SYN3: variants seen among roughly 807,000 people sequenced by gnomAD.
SYN3 encodes synapsin III.
A neutral mutation model predicts 65.8 loss-of-function variants in SYN3; 35 were observed. The observed-to-expected ratio is 0.53, with a 90% CI of 0.41 to 0.70. The LOEUF (loss-of-function observed/expected upper bound fraction) is 0.70, where lower values mean the gene tolerates loss of function less well. Ranked by LOEUF, SYN3 falls within the 30% of genes least tolerant of loss-of-function variation. The probability of loss-of-function intolerance (pLI) is 0.00; values close to 1 mark genes in which losing one functional copy is unlikely to be tolerated. For synonymous variants in SYN3, 270 were observed against 292.9 expected, an observed-to-expected ratio of 0.92 and a Z score of 0.80; for missense variants, 680 against 749.0, an observed-to-expected ratio of 0.91 and a Z score of 1.08.
intron 6 of SYN3, among the ~76,000 whole-genome samples, chr22:32,619,992 C>T (rs952447238): frequency 3.3e-5 from 5 of 152,208 alleles, no homozygotes; most frequent in Non-Finnish European, 5.9e-5. Context: ...TCAGAGCTAC[C>T]GACATGACCA....
chr22:32,780,884 A>G (rs562741669), intron 6 of SYN3, among the ~76,000 whole-genome samples: 1 of 96,916 alleles, frequency 1.0e-5, no homozygotes, highest in African/African-American at 3.2e-5. Context: ...ACTTGGTATT[A>G]TTGCCTGCCT....
rs991757702 is a variant in SYN3, at chr22:32,710,975, C to A, written c.712-114239G>T. 2.6e-5 allele frequency among the ~76,000 whole-genome samples: 4 copies of A among 152,202 alleles called. No individual in the cohort carries two copies. In the East Asian group the frequency reaches 5.8e-4, roughly 22 times the overall value. ...AGATGAACATCGCCCTTTCTCTATA[C>A]CCTGCCTAACAGTGACATGCCGGAG... On this transcript the variant is annotated intron_variant, in intron 6 of 13. Coordinates refer to ENST00000358763, the MANE Select transcript of SYN3 (RefSeq NM_003490.4).
At chr22:33,024,917 G>A (rs1054209583) in intron 1 of SYN3, among the ~76,000 whole-genome samples, 11 of 152,216 alleles carry the variant, frequency 7.2e-5, no homozygotes, top group African/African-American at 2.4e-4. Flanking sequence ...AATGTCGAGT[G>A]ATTTATCAAA....
intron 4 of SYN3, among the ~76,000 whole-genome samples, chr22:32,927,432 T>C (rs919827565): frequency 6.6e-6 from 1 of 151,808 alleles, no homozygotes; most frequent in South Asian, 2.1e-4. Flanking sequence ...GTATTTTTCA[T>C]AGAGATGGAG....
At chr22:32,759,900 C>A (rs1229189027) in intron 6 of SYN3, among the ~76,000 whole-genome samples, 1 of 83,352 alleles carries the variant, frequency 1.2e-5, no homozygotes, top group Non-Finnish European at 2.5e-5. Context: ...GCAGCCAGTA[C>A]CCACCCACCA....
intron 9 of SYN3, among the ~76,000 whole-genome samples, chr22:32,535,447 C>T (rs1009102841): frequency 1.3e-5 from 2 of 152,148 alleles, no homozygotes; most frequent in Non-Finnish European, 2.9e-5. Flanking sequence ...TCATGTGATT[C>T]TGATACGTGG....
intron 6 of SYN3, among the ~76,000 whole-genome samples, chr22:32,657,578 G>C (rs1458705712): frequency 6.6e-6 from 1 of 152,210 alleles, no homozygotes; most frequent in East Asian, 1.9e-4. Context: ...GGGGCTACTC[G>C]CATTCAGGCT....
At chr22:32,744,335 A>G (rs1056733515) in intron 6 of SYN3, among the ~76,000 whole-genome samples, 3 of 152,292 alleles carry the variant, frequency 2.0e-5, no homozygotes, top group South Asian at 2.1e-4. Flanking sequence ...GCCCAGTCCA[A>G]GCTAAATTGT....
At chr22:32,932,376 C>T (rs1026858114) in intron 3 of SYN3, among the ~76,000 whole-genome samples, 3 of 152,046 alleles carry the variant, frequency 2.0e-5, no homozygotes, top group African/African-American at 7.2e-5. Context: ...AAGCATCTGA[C>T]TCGGGGTGGA....
chr22:32,711,102 G>A (rs2060959173), intron 6 of SYN3, among the ~76,000 whole-genome samples: 1 of 152,194 alleles, frequency 6.6e-6, no homozygotes, highest in South Asian at 2.1e-4. Flanking sequence ...ACTGAGGTGG[G>A]TCTTTGGACA....
At chr22:32,697,560 C>A (rs1251857875) in intron 6 of SYN3, among the ~76,000 whole-genome samples, 1 of 152,142 alleles carries the variant, frequency 6.6e-6, no homozygotes, top group Non-Finnish European at 1.5e-5. Flanking sequence ...ATGGTTGTAT[C>A]AGTAATGATA....
chr22:32,588,995 A>G (rs1396783429), intron 7 of SYN3, among the ~76,000 whole-genome samples: 1 of 152,106 alleles, frequency 6.6e-6, no homozygotes, highest in Non-Finnish European at 1.5e-5. Flanking sequence ...TTTTCTAGAA[A>G]TTTCTGAATA....
intron 4 of SYN3, among the ~76,000 whole-genome samples, chr22:32,918,816 G>T (rs536224359): frequency 1.4e-4 from 21 of 152,286 alleles, no homozygotes; most frequent in Non-Finnish European, 2.5e-4. Flanking sequence ...ATGAAGTGAG[G>T]ACTCTGTCCC....
intron 6 of SYN3, among the ~76,000 whole-genome samples, chr22:32,692,067 G>T (rs1314186606): frequency 1.0e-4 from 15 of 148,566 alleles, no homozygotes; most frequent in African/African-American, 3.7e-4. Context: ...GCAGGAAAAA[G>T]TGATGTTACT....
chr22:32,558,483 ACC>A (rs2058535882), intron 7 of SYN3, among the ~76,000 whole-genome samples: 1 of 152,136 alleles, frequency 6.6e-6, no homozygotes, highest in East Asian at 1.9e-4. Context: ...AGAATTCAGA[ACC>A]CCATGATCTG....
chr22:32,962,590 G>A (rs2051690215), intron 3 of SYN3, among the ~76,000 whole-genome samples: 2 of 152,174 alleles, frequency 1.3e-5, no homozygotes, highest in Admixed American at 1.3e-4. Flanking sequence ...GGAGTGAGGA[G>A]GACACAGTGT....
chr22:32,667,209 CCTTT>C (rs1490579214), intron 6 of SYN3, among the ~76,000 whole-genome samples: 4 of 151,826 alleles, frequency 2.6e-5, no homozygotes, highest in East Asian at 1.9e-4. Flanking sequence ...TCCTTTCCTC[CCTTT>C]CTTTCTTCTC....
intron 7 of SYN3, among the ~76,000 whole-genome samples, chr22:32,591,298 G>C (rs977405917): frequency 1.3e-5 from 2 of 151,996 alleles, no homozygotes; most frequent in African/African-American, 4.8e-5. Flanking sequence ...ATTGTCAAAA[G>C]GAGAAAATAG....
chr22:32,675,167 G>A (rs2060422603), intron 6 of SYN3, among the ~76,000 whole-genome samples: 1 of 152,194 alleles, frequency 6.6e-6, no homozygotes, highest in Non-Finnish European at 1.5e-5. Context: ...GGCTTGGTAA[G>A]AGTCCAAATG....
Sources: gnomAD v4.1 joint callset for allele counts (sites outside exome capture counted in the v4.1 genomes callset) on GRCh38, gnomAD v4.1.1 for gene constraint, MANE v1.5 for transcripts, NCBI Gene and HGNC (gene_info 2026-07-23, HGNC 2026-07-21) for gene names.